TRPC4: variants seen among roughly 807,000 people sequenced by gnomAD.
TRPC4 encodes the protein transient receptor potential cation channel subfamily C member 4.
Under a neutral mutation model 99.4 loss-of-function variants are expected in TRPC4, and 49 were observed. The observed-to-expected ratio is 0.49, with a 90% CI of 0.39 to 0.63. The LOEUF is 0.63. Ranked by LOEUF, TRPC4 falls within the 20% of genes least tolerant of loss-of-function variation. The probability of loss-of-function intolerance (pLI) is 0.00; values close to 1 mark genes in which losing one functional copy is unlikely to be tolerated. For missense variants in TRPC4, 898 were observed against 1,152.9 expected (o/e 0.78, Z 3.20); for synonymous variants, 454 against 425.9 (o/e 1.07, Z -0.81).
At chr13:37,694,377 C>T (rs895334548) in intron 3 of TRPC4, among the ~76,000 whole-genome samples, 3 of 152,122 alleles carry the variant, frequency 2.0e-5, no homozygotes, top group African/African-American at 7.2e-5. Flanking sequence ...AAGTTATGTA[C>T]TTTGTTCACT....
At chr13:37,673,315 G>C (rs1924302) in intron 5 of TRPC4, among the ~76,000 whole-genome samples, 13,369 of 151,988 alleles carry the variant, frequency 0.088, 809 homozygotes, top group Middle Eastern at 0.19. Flanking sequence ...AGACAATTTT[G>C]CTTCTGTCAT....
At chr13:37,745,435 CGT>C (rs1955712052) in intron 3 of TRPC4, among the ~76,000 whole-genome samples, 8 of 18,278 alleles carry the variant, frequency 4.4e-4, no homozygotes, top group East Asian at 3.4e-3. Flanking sequence ...TATATATATG[CGT>C]ATATATATAT....
chr13:37,691,188 G>A (rs182807387), intron 4 of TRPC4, among the ~76,000 whole-genome samples: 205 of 151,946 alleles, frequency 1.3e-3, no homozygotes, highest in Non-Finnish European at 2.5e-3. Context: ...TGCAAGCTCC[G>A]CCTCCCGGGT....
chr13:37,677,404 T>C (rs893859822), intron 4 of TRPC4, among the ~76,000 whole-genome samples: 4 of 151,800 alleles, frequency 2.6e-5, no homozygotes, highest in African/African-American at 9.7e-5. Flanking sequence ...GATGATCATA[T>C]ATGAAAAAAG....
At chr13:37,659,820 A>G (rs1952367779) in intron 6 of TRPC4, among the ~76,000 whole-genome samples, 1 of 152,146 alleles carries the variant, frequency 6.6e-6, no homozygotes, top group Non-Finnish European at 1.5e-5. Flanking sequence ...AGGATCTAGA[A>G]TAAGATAAAT....
chr13:37,745,568 T>G, intron 3 of TRPC4, among the ~76,000 whole-genome samples: 1 of 141,178 alleles, frequency 7.1e-6, no homozygotes, highest in African/African-American at 2.7e-5. Context: ...TTTCAAATAT[T>G]AAATCCATTC....
intron 3 of TRPC4, among the ~76,000 whole-genome samples, chr13:37,745,424 A>G (rs1486005391): frequency 7.1e-6 from 1 of 141,734 alleles, no homozygotes; most frequent in Non-Finnish European, 1.5e-5. Context: ...GATTATTTAT[A>G]TATATATATG....
At chr13:37,853,204 A>G (rs1959101952) in intron 1 of TRPC4, among the ~76,000 whole-genome samples, 1 of 152,190 alleles carries the variant, frequency 6.6e-6, no homozygotes, top group African/African-American at 2.4e-5. Flanking sequence ...GCTGCTGGCC[A>G]CAGAAGTGCC....
intron 3 of TRPC4, among the ~76,000 whole-genome samples, chr13:37,737,249 A>AATG (rs1356729197): frequency 6.6e-6 from 1 of 151,162 alleles, no homozygotes; most frequent in African/African-American, 2.4e-5. Flanking sequence ...TAATAATAAT[A>AATG]ATAGCTGATA....
intron 5 of TRPC4, 83 bp from the exon 6 acceptor site, chr13:37,663,812 A>G (rs1330882523): frequency 1.6e-6 from 2 of 1,267,446 alleles, no homozygotes; most frequent in African/African-American, 3.0e-5. Context: ...AAGGAAAACT[A>G]TTAAATTTTG....
At chr13:37,820,632 C>T (rs1472587441) in intron 1 of TRPC4, among the ~76,000 whole-genome samples, 3 of 152,186 alleles carry the variant, frequency 2.0e-5, no homozygotes, top group Non-Finnish European at 4.4e-5. Flanking sequence ...ATTGGTTCAA[C>T]ATGCTCAAAT....
At chr13:37,696,915 TC>T (rs1953921498) in intron 3 of TRPC4, among the ~76,000 whole-genome samples, 3 of 117,216 alleles carry the variant, frequency 2.6e-5, no homozygotes, top group East Asian at 2.6e-4. Flanking sequence ...AGCTGAAACA[TC>T]TTTTTTTTTT....
At chr13:37,659,807 G>A (rs1257620374) in intron 6 of TRPC4, among the ~76,000 whole-genome samples, 5 of 152,088 alleles carry the variant, frequency 3.3e-5, no homozygotes, top group Non-Finnish European at 5.9e-5. Context: ...ATGAGAAGAA[G>A]GTAGGATCTA....
intron 2 of TRPC4, among the ~76,000 whole-genome samples, chr13:37,775,613 C>G (rs1956678381): frequency 6.6e-6 from 1 of 151,586 alleles, no homozygotes; most frequent in African/African-American, 2.4e-5. Context: ...ATTTCTCTCT[C>G]TAAACTCTCT....
Position 37,637,881 on chromosome 13 carries a change from C to T in TRPC4, c.2212-256G>A, listed in dbSNP as rs150958014. 2.3e-3 allele frequency among the ~76,000 whole-genome samples: 350 copies of T among 152,222 alleles called. 2 individuals carry two copies. Among genetic ancestry groups the T allele is most frequent in the African/African-American group, 8.0e-3 (332 of 41,554 alleles). Reference sequence around the variant, plus strand: ...AAAAAGAAACGTGAGTTATCTTTGCCACCAACGTGCAGCTGAGTATATTGG... The same window carrying T: ...AAAAAGAAACGTGAGTTATCTTTGCTACCAACGTGCAGCTGAGTATATTGG... On this transcript the variant is annotated intron_variant, in intron 10 of 10. Coordinates refer to ENST00000379705, the MANE Select transcript of TRPC4 (RefSeq NM_016179.4).
At chr13:37,695,181 T>G (rs766393883) in intron 3 of TRPC4, among the ~76,000 whole-genome samples, 2 of 152,068 alleles carry the variant, frequency 1.3e-5, no homozygotes, top group Non-Finnish European at 2.9e-5. Context: ...CCTTCTTCCC[T>G]TCTTTCCTTC....
intron 2 of TRPC4, among the ~76,000 whole-genome samples, chr13:37,779,045 T>C (rs531758876): frequency 3.9e-5 from 6 of 152,158 alleles, no homozygotes; most frequent in Admixed American, 3.9e-4. Flanking sequence ...CCTAGTAGTC[T>C]GTGTTGTAAC....
chr13:37,819,196 G>A (rs1332525926), intron 1 of TRPC4, among the ~76,000 whole-genome samples: 1 of 152,010 alleles, frequency 6.6e-6, no homozygotes, highest in Admixed American at 6.6e-5. Context: ...TGGTGAGGTT[G>A]TAGAGAAAAA....
intron 3 of TRPC4, among the ~76,000 whole-genome samples, chr13:37,742,102 G>A (rs1955610322): frequency 6.6e-6 from 1 of 152,072 alleles, no homozygotes; most frequent in Non-Finnish European, 1.5e-5. Flanking sequence ...AGCATCATTA[G>A]CCTAGAATTA....
Sources: gnomAD v4.1 joint callset for allele counts (sites outside exome capture counted in the v4.1 genomes callset) on GRCh38, gnomAD v4.1.1 for gene constraint, MANE v1.5 for transcripts, NCBI Gene and HGNC (gene_info 2026-07-23, HGNC 2026-07-21) for gene names.